SLC30A6: variants seen among roughly 807,000 people sequenced by gnomAD.
SLC30A6 encodes solute carrier family 30 member 6.
Under a neutral mutation model 63.0 loss-of-function variants are expected in SLC30A6, and 55 were observed. The observed-to-expected ratio is 0.87, with a 90% confidence interval of 0.70 to 1.09. The LOEUF (loss-of-function observed/expected upper bound fraction) is 1.09. Ranked by LOEUF, SLC30A6 falls within the 50% of genes least tolerant of loss-of-function variation. The pLI is 0.00. For missense variants in SLC30A6, 587 were observed against 549.2 expected, an observed-to-expected ratio of 1.07 and a Z score of -0.69; for synonymous variants, 224 against 186.1, an observed-to-expected ratio of 1.20 and a Z score of -1.66.
At chr2:32,203,373 C>T (rs942934280) in intron 10 of SLC30A6, 1 of 1,044,598 alleles carries the variant, frequency 9.6e-7, no homozygotes, top group African/African-American at 1.6e-5. Flanking sequence ...TTAGTTAAAT[C>T]TAAAAGCACG....
chr2:32,213,455 G>A (rs1204531934), intron 13 of SLC30A6, among the ~76,000 whole-genome samples: 3 of 151,912 alleles, frequency 2.0e-5, no homozygotes, highest in East Asian at 1.9e-4. Flanking sequence ...TTCTCATATT[G>A]GCTGTCCTAG....
chr2:32,220,690 A>G lies in SLC30A6; in HGVS notation c.1363A>G (p.Arg455Gly), dbSNP rs1281096622. The G allele has an allele frequency of 1.2e-6, 2 of 1,613,650 alleles. No homozygotes were observed. Among genetic ancestry groups the G allele is most frequent in the East Asian group, 2.2e-5 (1 of 44,860 alleles). Residue 455 changes from arginine (R) to glycine (G), a missense_variant, in exon 14 of 14, where the codon AGA becomes GGA. Coordinates refer to ENST00000282587, the MANE Select transcript of SLC30A6 (RefSeq NM_017964.5). ...NIPSRYGTNN[R>G]IGQPRP The stretch of plus-strand genomic sequence containing the variant: ...ACCAAGTAGATATGGAACTAATAAT[A>G]GAATTGGACAACCAAGACCATGATA...
chr2:32,178,257 T>G (rs1258998856), intron 4 of SLC30A6, among the ~76,000 whole-genome samples: 1 of 152,134 alleles, frequency 6.6e-6, no homozygotes, highest in African/African-American at 2.4e-5. Context: ...AAGTTATTTT[T>G]TTTTAATGGT....
rs1686183587 is a variant in SLC30A6 at position 32,222,297 on chromosome 2, A to G, written c.*1584A>G. 1 of 152,180 alleles carries G rather than the reference A, an allele frequency of 6.6e-6. No homozygotes were observed. The highest frequency in any genetic ancestry group is 1.5e-5 in the Non-Finnish European group (1 of 68,024). 9.4% of individuals were successfully genotyped at this position (152,180 alleles called of 1,614,324 possible). ...TTATTATGCATTCCATAACAGTTTT[A>G]AAATGGGATTTTGAGAATGGACTTA... is the stretch of plus-strand genomic sequence containing the variant. On this transcript the variant is annotated 3_prime_UTR_variant, in exon 14 of 14. Coordinates refer to ENST00000282587, the MANE Select transcript of SLC30A6 (RefSeq NM_017964.5).
At chr2:32,205,389 C>T (rs1438209602) in intron 11 of SLC30A6, among the ~76,000 whole-genome samples, 2 of 152,114 alleles carry the variant, frequency 1.3e-5, no homozygotes, top group African/African-American at 2.4e-5. Context: ...CCACTGCATC[C>T]AGCCTGGGTG....
intron 13 of SLC30A6, among the ~76,000 whole-genome samples, chr2:32,217,696 G>A (rs1038350349): frequency 1.3e-5 from 2 of 152,090 alleles, no homozygotes; most frequent in South Asian, 2.1e-4. Flanking sequence ...ATCCATGAGC[G>A]TGGAATGTTT....
At position 32,215,867 on chromosome 2, in the gene SLC30A6, A is replaced by ATTTT. The variant is rs68057873; in HGVS notation, c.886-4343_886-4340dup. On this transcript the variant is annotated intron_variant, in intron 13 of 13. Transcript: ENST00000282587. ...CTGCATATGTGTGCCTGGCTAATTT[A>ATTTT]TTTTTTATAACGATAGAGTCTTGCT... is the stretch of plus-strand genomic sequence containing the variant. Among the ~76,000 whole-genome samples the ATTTT allele has an allele frequency of 9.3e-4, 140 of 150,946 alleles. 1 individual carries two copies. The highest frequency in any genetic ancestry group is 1.6e-3 in the Non-Finnish European group (107 of 67,772).
chr2:32,206,637 T>A (rs1373171833), intron 11 of SLC30A6, among the ~76,000 whole-genome samples: 1 of 152,134 alleles, frequency 6.6e-6, no homozygotes, highest in Admixed American at 6.5e-5. Context: ...GATTTTTTGT[T>A]GGTTGGTTGG....
chr2:32,202,291 C>A lies in SLC30A6; in HGVS notation c.666-2299C>A. 6.1e-6 allele frequency: 3 copies of A among 495,152 alleles called. No individual in the cohort carries two copies. In the South Asian group the frequency reaches 7.0e-5, roughly 12 times the overall value. The allele number at this position is 495,152 out of a possible 1,614,324, so 30.7% of individuals were successfully genotyped here. On this transcript the variant is annotated intron_variant, in intron 10 of 13. Transcript: ENST00000282587. ...AAAGAAAGACATTCTATTTTGCGAT[C>A]CCTTTGATTGAAAGACTCCAAAGAG...
rs149484106 is a variant in SLC30A6, at chr2:32,181,135, A to G, written c.219-3138A>G. 6.6e-3 allele frequency among the ~76,000 whole-genome samples: 1,002 copies of G among 152,354 alleles called. 7 individuals carry two copies. Among genetic ancestry groups the G allele is most frequent in the Non-Finnish European group, 0.011 (729 of 68,024 alleles). The stretch of plus-strand genomic sequence containing the variant: ...AATACCAAAGTGGTGTTACTAAACT[A>G]TGGAAATTAAAATGATTTACACATA... On this transcript the variant is annotated intron_variant, in intron 4 of 13. Coordinates refer to ENST00000282587, the MANE Select transcript of SLC30A6 (RefSeq NM_017964.5).
At chr2:32,168,801 A>G (rs1349145362) in intron 1 of SLC30A6, among the ~76,000 whole-genome samples, 1 of 152,220 alleles carries the variant, frequency 6.6e-6, no homozygotes, top group Non-Finnish European at 1.5e-5. Context: ...AAGAGATAAG[A>G]CTGGAAAGAA....
chr2:32,167,649 C>G (rs1680804447), intron 1 of SLC30A6, among the ~76,000 whole-genome samples: 3 of 150,876 alleles, frequency 2.0e-5, no homozygotes, highest in Admixed American at 2.0e-4. Context: ...GTACCTTGTG[C>G]TTTTATATGC....
At chr2:32,209,393 G>C (rs1355109133) in intron 12 of SLC30A6, 100 bp from the exon 13 acceptor site, 3 of 835,556 alleles carry the variant, frequency 3.6e-6, no homozygotes, top group Non-Finnish European at 5.6e-6. Flanking sequence ...GCAGGATTTG[G>C]CTGTCATTCT....
rs757693930 is a variant in SLC30A6, at chr2:32,203,966, G to C, written c.666-624G>C. 1.7e-5 allele frequency: 13 copies of C among 754,260 alleles called. No homozygotes were observed. The Admixed American group carries it at 2.6e-4, about 15-fold the overall frequency. The allele number at this position is 754,260 out of a possible 1,614,324, so 46.7% of individuals were successfully genotyped here. The stretch of plus-strand genomic sequence containing the variant: ...AGAAGATGAAGAGGGAATAGAAATC[G>C]ATCAAGAAGTGGGAGCCACAAACGG... On this transcript the variant is annotated intron_variant, in intron 10 of 13. Transcript: ENST00000282587.
chr2:32,195,148 G>A (rs1368335387), intron 8 of SLC30A6, among the ~76,000 whole-genome samples: 1 of 131,232 alleles, frequency 7.6e-6, no homozygotes, highest in African/African-American at 2.9e-5. Flanking sequence ...TGCCCAGGCT[G>A]GAGTGCAGTG....
intron 12 of SLC30A6, among the ~76,000 whole-genome samples, chr2:32,209,254 G>T (rs1685047899): frequency 6.6e-6 from 1 of 152,184 alleles, no homozygotes. Context: ...ACTGAGCAGT[G>T]GGGACCTGAT....
At position 32,185,010 on chromosome 2, in the gene SLC30A6, T is replaced by C. The variant is rs867078291; in HGVS notation, c.284+672T>C. Among the ~76,000 whole-genome samples, 27 of 152,328 alleles carry C rather than the reference T, an allele frequency of 1.8e-4. No homozygotes were observed. The Middle Eastern group carries it at 0.01, about 58-fold the overall frequency. ...GTTTAATAATAGGCAGTGGTAAAGA[T>C]GGATTTTCATCTGAAACTGGATTTG... On this transcript the variant is annotated intron_variant, in intron 5 of 13. Coordinates refer to ENST00000282587, the MANE Select transcript of SLC30A6 (RefSeq NM_017964.5).
At chr2:32,218,985 T>C (rs212701) in intron 13 of SLC30A6, among the ~76,000 whole-genome samples, 96,300 of 152,086 alleles carry the variant, frequency 0.63, 30,770 homozygotes, top group African/African-American at 0.68. Flanking sequence ...ATTGAAATTC[T>C]TTATCATTTT....
At chr2:32,194,075 GAAGT>G in intron 8 of SLC30A6, 92 bp downstream of exon 8, 1 of 1,014,204 alleles carries the variant, frequency 9.9e-7, no homozygotes, top group South Asian at 1.5e-5. Flanking sequence ...GATCAATGAA[GAAGT>G]ATATTCTGAA....
Sources: allele counts gnomAD v4.1 joint callset (sites outside exome capture counted in the v4.1 genomes callset), GRCh38; gene constraint gnomAD v4.1.1; transcripts MANE v1.5; gene names NCBI Gene and HGNC (gene_info 2026-07-23, HGNC 2026-07-21).